The following SH3GL3 variants were observed in gnomAD, a reference collection of about 807,000 sequenced individuals.
SH3GL3 encodes the protein SH3 domain containing GRB2 like 3, endophilin A3, also known as endophilin-A3.
Under a neutral mutation model 47.7 loss-of-function variants are expected in SH3GL3, and 33 were observed. The ratio of observed to expected loss-of-function variants is 0.69; its 90% CI spans 0.52 to 0.92. The LOEUF (loss-of-function observed/expected upper bound fraction) is 0.92, where lower values mean the gene tolerates loss of function less well. SH3GL3 is among the 40% of genes least tolerant of loss of function. The pLI is 0.00. For synonymous variants in SH3GL3, 155 were observed against 148.8 expected (o/e 1.04, Z -0.30); for missense variants, 363 against 417.8 (o/e 0.87, Z 1.14).
chr15:83,591,633 A>G (rs1205362951), intron 8 of SH3GL3, among the ~76,000 whole-genome samples: 1 of 152,084 alleles, frequency 6.6e-6, no homozygotes, highest in Non-Finnish European at 1.5e-5. Flanking sequence ...TCTCATTATT[A>G]AAACTACAAA....
rs191455086 is a variant in SH3GL3, at chr15:83,472,127, G to A, written c.45+24549G>A. 4.3e-3 allele frequency among the ~76,000 whole-genome samples: 659 copies of A among 152,190 alleles called. 4 individuals carry two copies. Among genetic ancestry groups the A allele is most frequent in the African/African-American group, 0.015 (621 of 41,540 alleles). ...TCGAACTCCTGACCTCAGGTGATCCGCCTGCCTCAGCCTCCCAAAGTGCTG... is the reference window on the plus strand; with the variant it reads ...TCGAACTCCTGACCTCAGGTGATCCACCTGCCTCAGCCTCCCAAAGTGCTG... On this transcript the variant is annotated intron_variant, in intron 1 of 8. Transcript: ENST00000427482.
intron 1 of SH3GL3, among the ~76,000 whole-genome samples, chr15:83,478,802 G>A (rs566303283): frequency 6.6e-6 from 1 of 152,326 alleles, no homozygotes; most frequent in South Asian, 2.1e-4. Flanking sequence ...GGGATTAAAT[G>A]AGCTAATGCA....
chr15:83,597,274 CCTT>C (rs1021869783), intron 8 of SH3GL3, among the ~76,000 whole-genome samples: 1 of 152,170 alleles, frequency 6.6e-6, no homozygotes, highest in African/African-American at 2.4e-5. Flanking sequence ...TGTCAGATCT[CCTT>C]CTCTGACTTG....
At chr15:83,559,226 T>G (rs1267081813) in intron 1 of SH3GL3, 27 bp from the exon 2 acceptor site, 1 of 1,247,728 alleles carries the variant, frequency 8.0e-7, no homozygotes, top group Non-Finnish European at 1.2e-6. Context: ...CATTGTACAA[T>G]GCAATTATTT....
the SH3GL3 span, among the ~76,000 whole-genome samples, chr15:83,630,580 CCTT>C: frequency 1.3e-5 from 2 of 152,042 alleles, no homozygotes; most frequent in Admixed American, 6.6e-5. Context: ...GCAAACATGT[CCTT>C]CTTCACATGG....
In SH3GL3 at chr15:83,447,728, G is replaced by C; in HGVS notation, c.45+150G>C. 1 of 513,436 alleles carries C rather than the reference G, an allele frequency of 1.9e-6. No homozygotes were observed. The allele number at this position is 513,436 out of a possible 1,614,324, so 31.8% of individuals were successfully genotyped here. A position where few individuals can be genotyped will look rare whatever the true frequency, so the allele number is the denominator to read the frequency against. ...TAGGAGGGCGCGAGGGTGGGGTGAG[G>C]GGCCGCCTGCTCTCTCCTCGGCGTC... On this transcript the variant is annotated intron_variant, in intron 1 of 8. Transcript: ENST00000427482. The surrounding 1 kb of genome is among the most constrained non-coding windows in gnomAD (Gnocchi z 5.1).
intron 1 of SH3GL3, among the ~76,000 whole-genome samples, chr15:83,537,179 G>T (rs983051618): frequency 4.6e-5 from 7 of 152,220 alleles, no homozygotes; most frequent in African/African-American, 1.7e-4. Flanking sequence ...TTGCTCTTGG[G>T]CAGGGCTGCC....
intron 8 of SH3GL3, among the ~76,000 whole-genome samples, chr15:83,592,769 T>A (rs1419304165): frequency 6.6e-6 from 1 of 152,200 alleles, no homozygotes; most frequent in Non-Finnish European, 1.5e-5. Flanking sequence ...CTCTCCAACA[T>A]TTTTCTAAAA....
chr15:83,478,186 G>T (rs2041185422), intron 1 of SH3GL3, among the ~76,000 whole-genome samples: 1 of 152,136 alleles, frequency 6.6e-6, no homozygotes, highest in Non-Finnish European at 1.5e-5. Context: ...CATTGCAGGG[G>T]CTTAACCTAC....
chr15:83,460,708 A>T lies in SH3GL3; in HGVS notation c.45+13130A>T, dbSNP rs547358091. On this transcript the variant is annotated intron_variant, in intron 1 of 8. Coordinates refer to ENST00000427482, the MANE Select transcript of SH3GL3 (RefSeq NM_003027.5). ...TGTGTGCGGATGTGTTTATATGAAT[A>T]TTCTAAAAACTACGTAAACTGTATA... Among the ~76,000 whole-genome samples, 23 of 152,336 alleles carry T rather than the reference A, an allele frequency of 1.5e-4. No homozygotes were observed. The Middle Eastern group carries it at 0.017, about 113-fold the overall frequency.
intron 1 of SH3GL3, among the ~76,000 whole-genome samples, chr15:83,468,052 G>C (rs377234303): frequency 6.6e-6 from 1 of 152,104 alleles, no homozygotes; most frequent in African/African-American, 2.4e-5. Context: ...GGATGGTCTC[G>C]ATCTCCTGAC....
chr15:83,610,716 A>C (rs369775278), intron 8 of SH3GL3, among the ~76,000 whole-genome samples: 1 of 152,068 alleles, frequency 6.6e-6, no homozygotes. Flanking sequence ...CAATTTCTCC[A>C]TCCCTCACAT....
At chr15:83,525,370 G>GTGTGTGTGTC in intron 1 of SH3GL3, among the ~76,000 whole-genome samples, 1 of 151,712 alleles carries the variant, frequency 6.6e-6, no homozygotes, top group African/African-American at 2.4e-5. Context: ...GTGTGTGTGT[G>GTGTGTGTGTC]TGTGTGTGTT....
intron 6 of SH3GL3, among the ~76,000 whole-genome samples, chr15:83,582,773 C>T (rs1215990458): frequency 3.9e-5 from 6 of 152,170 alleles, no homozygotes; most frequent in Non-Finnish European, 7.3e-5. Context: ...TCTGCTAAGC[C>T]TCTGGGAAAA....
the SH3GL3 span, among the ~76,000 whole-genome samples, chr15:83,633,311 A>G: frequency 6.6e-6 from 1 of 152,216 alleles, no homozygotes; most frequent in Non-Finnish European, 1.5e-5. Context: ...GAGAAAGAGA[A>G]TTAATGTTTT....
intron 1 of SH3GL3, among the ~76,000 whole-genome samples, chr15:83,512,814 C>T (rs1047945202): frequency 1.2e-4 from 18 of 152,108 alleles, no homozygotes; most frequent in Non-Finnish European, 2.5e-4. Flanking sequence ...CAGCTTCCTC[C>T]GGATGAGGTG....
At chr15:83,497,652 C>A (rs923427937) in intron 1 of SH3GL3, among the ~76,000 whole-genome samples, 3 of 152,164 alleles carry the variant, frequency 2.0e-5, no homozygotes, top group Non-Finnish European at 4.4e-5. Context: ...TCACTCTTTT[C>A]TTCATTGCTG....
At chr15:83,608,150 A>G (rs887774249) in intron 8 of SH3GL3, among the ~76,000 whole-genome samples, 3 of 152,212 alleles carry the variant, frequency 2.0e-5, no homozygotes, top group African/African-American at 2.4e-5. Flanking sequence ...ACAGATTTCA[A>G]TGATTAAGCT....
chr15:83,504,145 G>A (rs184867667), intron 1 of SH3GL3, among the ~76,000 whole-genome samples: 3 of 152,186 alleles, frequency 2.0e-5, no homozygotes, highest in Admixed American at 6.5e-5. Flanking sequence ...TTCTTTTTAC[G>A]TTTTTATTGT....
Sources: allele counts gnomAD v4.1 joint callset (sites outside exome capture counted in the v4.1 genomes callset), GRCh38; gene constraint gnomAD v4.1.1; non-coding constraint Gnocchi (gnomAD v3.1); transcripts MANE v1.5; gene names NCBI Gene and HGNC (gene_info 2026-07-23, HGNC 2026-07-21).